Variants in DPP10 observed in about 807,000 individuals in gnomAD.
DPP10 encodes inactive dipeptidyl peptidase 10.
A neutral mutation model predicts 120.9 loss-of-function variants in DPP10; 33 were observed. That is an observed-to-expected ratio of 0.27 (90% confidence interval 0.21 to 0.37). The LOEUF is 0.37. DPP10 is among the 10% of genes least tolerant of loss of function. The pLI is 1.00. For missense variants in DPP10, 816 were observed against 942.8 expected (o/e 0.87, Z 1.76); for synonymous variants, 337 against 326.1 (o/e 1.03, Z -0.36).
chr2:115,627,544 T>C (rs2149304343), intron 5 of DPP10, among the ~76,000 whole-genome samples: 1 of 152,268 alleles, frequency 6.6e-6, no homozygotes, highest in African/African-American at 2.4e-5. Context: ...TAATTTTAAG[T>C]TCTGGGATAC....
At chr2:115,350,694 C>T (rs1459184031) in intron 3 of DPP10, among the ~76,000 whole-genome samples, 1 of 152,090 alleles carries the variant, frequency 6.6e-6, no homozygotes, top group African/African-American at 2.4e-5. Context: ...GGCATGGATT[C>T]TTATAACAGC....
At chr2:114,565,465 A>G (rs559575724) in intron 1 of DPP10, among the ~76,000 whole-genome samples, 2 of 152,192 alleles carry the variant, frequency 1.3e-5, no homozygotes, top group Non-Finnish European at 2.9e-5. Flanking sequence ...TCTCTGGATA[A>G]GGCTTCTTGA....
At chr2:114,937,356 A>C (rs1458396620) in intron 1 of DPP10, among the ~76,000 whole-genome samples, 1 of 151,818 alleles carries the variant, frequency 6.6e-6, no homozygotes, top group East Asian at 1.9e-4. Context: ...TCCTTTCCAC[A>C]CTTTGTTTTG....
intron 1 of DPP10, among the ~76,000 whole-genome samples, chr2:115,228,869 T>C (rs1223149238): frequency 1.3e-5 from 2 of 152,104 alleles, no homozygotes; most frequent in Non-Finnish European, 2.9e-5. Flanking sequence ...GATACACTGA[T>C]TTCCTTTCTT....
chr2:115,038,101 G>T (rs186996370), intron 1 of DPP10, among the ~76,000 whole-genome samples: 33 of 152,202 alleles, frequency 2.2e-4, no homozygotes, highest in Non-Finnish European at 4.3e-4. Context: ...GTGATATGTA[G>T]TTTAAGATGG....
chr2:115,296,116 A>G (rs1345621111), intron 1 of DPP10, among the ~76,000 whole-genome samples: 2 of 152,056 alleles, frequency 1.3e-5, no homozygotes, highest in Non-Finnish European at 2.9e-5. Context: ...GAGCCTTAGG[A>G]AAAATGGCAC....
chr2:114,454,555 C>T (rs1558772543), intron 1 of DPP10, among the ~76,000 whole-genome samples: 1 of 152,118 alleles, frequency 6.6e-6, no homozygotes, highest in Admixed American at 6.5e-5. Flanking sequence ...GTTTTTGTTA[C>T]CCAAGGTCCC....
intron 3 of DPP10, among the ~76,000 whole-genome samples, chr2:115,429,264 C>T (rs1392297913): frequency 6.6e-6 from 1 of 151,684 alleles, no homozygotes; most frequent in Non-Finnish European, 1.5e-5. Flanking sequence ...CGTGCATCTG[C>T]TTTTCTTATT....
chr2:114,769,385 G>A (rs1368631328), intron 1 of DPP10, among the ~76,000 whole-genome samples: 1 of 152,104 alleles, frequency 6.6e-6, no homozygotes, highest in East Asian at 1.9e-4. Context: ...GCCTCCGCAA[G>A]CTAGTGGTGG....
chr2:115,188,407 A>G (rs536917376), intron 1 of DPP10, among the ~76,000 whole-genome samples: 2 of 152,254 alleles, frequency 1.3e-5, no homozygotes, highest in South Asian at 4.1e-4. Context: ...TTGGGCTAAT[A>G]TCTAGAACTA....
At chr2:115,841,208 A>T (rs1279043241) in intron 25 of DPP10, among the ~76,000 whole-genome samples, 1 of 151,292 alleles carries the variant, frequency 6.6e-6, no homozygotes, top group East Asian at 1.9e-4. Flanking sequence ...ATGAGAGTTT[A>T]TTATTAATTT....
intron 1 of DPP10, among the ~76,000 whole-genome samples, chr2:114,811,279 A>G (rs941183098): frequency 2.6e-5 from 4 of 152,190 alleles, no homozygotes; most frequent in Non-Finnish European, 5.9e-5. Flanking sequence ...ACATTTCAGA[A>G]AGCTTAAATT....
At chr2:114,751,912 T>G (rs112982733) in intron 1 of DPP10, among the ~76,000 whole-genome samples, 58 of 152,298 alleles carry the variant, frequency 3.8e-4, no homozygotes, top group African/African-American at 1.3e-3. Flanking sequence ...TTTATTAAAG[T>G]GCAGATTGTG....
chr2:115,676,230 A>T (rs1426558182), intron 5 of DPP10, among the ~76,000 whole-genome samples: 1 of 152,206 alleles, frequency 6.6e-6, no homozygotes, highest in Non-Finnish European at 1.5e-5. Flanking sequence ...ATGGCAAATA[A>T]TCACAGAATG....
chr2:115,434,589 T>C (rs1195568016), intron 3 of DPP10, among the ~76,000 whole-genome samples: 1 of 147,302 alleles, frequency 6.8e-6, no homozygotes, highest in Non-Finnish European at 1.5e-5. Flanking sequence ...TGGAGGTACG[T>C]GTGATAGTTT....
At chr2:115,618,170 G>A (rs1224364409) in intron 5 of DPP10, among the ~76,000 whole-genome samples, 1 of 152,148 alleles carries the variant, frequency 6.6e-6, no homozygotes. Flanking sequence ...GATGAGTTAG[G>A]GTTGAGAAAA....
intron 9 of DPP10, among the ~76,000 whole-genome samples, chr2:115,745,678 CTCT>C (rs1228183439): frequency 2.0e-5 from 3 of 149,486 alleles, no homozygotes; most frequent in African/African-American, 7.4e-5. Context: ...TTCATTTCTC[CTCT>C]TTTTTTTTAA....
At chr2:115,344,817 A>G (rs1053911036) in intron 3 of DPP10, among the ~76,000 whole-genome samples, 4 of 152,148 alleles carry the variant, frequency 2.6e-5, no homozygotes, top group Non-Finnish European at 5.9e-5. Flanking sequence ...ATTTGGGCAT[A>G]ATATCTTTGC....
chr2:115,063,388 T>C (rs1013696399), intron 1 of DPP10, among the ~76,000 whole-genome samples: 1 of 152,138 alleles, frequency 6.6e-6, no homozygotes, highest in Non-Finnish European at 1.5e-5. Flanking sequence ...GCTCTTTAGT[T>C]TAATTAGATC....
Sources: gnomAD v4.1 joint callset for allele counts (sites outside exome capture counted in the v4.1 genomes callset) on GRCh38, gnomAD v4.1.1 for gene constraint, MANE v1.5 for transcripts, NCBI Gene and HGNC (gene_info 2026-07-23, HGNC 2026-07-21) for gene names.